Variants in FER observed in about 807,000 individuals in gnomAD.
FER encodes FER tyrosine kinase.
In FER, 63 loss-of-function variants were observed where a neutral mutation model predicts 111.0. That is an observed-to-expected ratio of 0.57 (90% CI 0.46 to 0.70). FER has a LOEUF of 0.70. Ranked by LOEUF, FER falls within the 30% of genes least tolerant of loss-of-function variation. The pLI, the probability that FER is intolerant of heterozygous loss-of-function variation, is 0.00. For synonymous variants in FER, 327 were observed against 313.9 expected (o/e 1.04, Z -0.44); for missense variants, 914 against 954.0 (o/e 0.96, Z 0.55).
chr5:108,947,944 G>A (rs913593650), intron 11 of FER, among the ~76,000 whole-genome samples: 4 of 151,710 alleles, frequency 2.6e-5, no homozygotes, highest in African/African-American at 4.8e-5. Context: ...CTGGTGTTGA[G>A]TTCCTGAGCT....
Position 109,047,129 on chromosome 5 carries a change from A to T in FER, c.1855A>T (p.Asn619Tyr). 6.2e-7 allele frequency: 1 copy of T among 1,602,292 alleles called. No individual in the cohort carries two copies. The highest frequency in any genetic ancestry group is 8.5e-7 in the Non-Finnish European group (1 of 1,172,066). ...AKILKQYDHPNIVKLIGVCTQ... is the reference protein window; with the variant it reads ...AKILKQYDHPYIVKLIGVCTQ... The stretch of plus-strand genomic sequence containing the variant: ...AATTCTCAAGCAATATGATCATCCC[A>T]ATATTGTCAAACTTATAGGAGTTTG... The change falls in exon 16 of 20, where the codon AAT (asparagine) becomes TAT (tyrosine). Residue 619 changes from asparagine (N) to tyrosine (Y), a missense_variant. By Grantham distance (143) the Asn-to-Tyr change is moderately radical. Transcript: ENST00000281092.
intron 13 of FER, among the ~76,000 whole-genome samples, chr5:109,031,979 T>A (rs1490466933): frequency 1.3e-5 from 2 of 152,198 alleles, no homozygotes; most frequent in East Asian, 3.9e-4. Flanking sequence ...AGTATATCCA[T>A]AACATATGCA....
intron 10 of FER, among the ~76,000 whole-genome samples, chr5:108,902,664 C>G (rs1750208745): frequency 1.3e-5 from 2 of 152,086 alleles, no homozygotes; most frequent in African/African-American, 2.4e-5. Context: ...GAAGATAAAT[C>G]CTTTCTTATT....
chr5:109,109,894 C>G (rs1003262203), intron 17 of FER, among the ~76,000 whole-genome samples: 1 of 152,088 alleles, frequency 6.6e-6, no homozygotes, highest in Non-Finnish European at 1.5e-5. Context: ...TACTCCCATT[C>G]AGGGTGTACT....
chr5:108,800,372 T>A (rs910569875), intron 3 of FER, among the ~76,000 whole-genome samples: 1 of 152,052 alleles, frequency 6.6e-6, no homozygotes, highest in Admixed American at 6.6e-5. Context: ...TTTTTTCTCT[T>A]TAGGATCTTG....
Position 109,175,832 on chromosome 5 carries a change from C to T in FER, c.2049-4915C>T, listed in dbSNP as rs776153888. On this transcript the variant is annotated intron_variant, in intron 17 of 19. Transcript: ENST00000281092. ...TAGAATGGCTGTCATCAAAAGACAA[C>T]GCCAGGTGCGGTGGCTCACACCTGC... 7.1e-4 allele frequency among the ~76,000 whole-genome samples: 108 copies of T among 152,200 alleles called. 2 individuals are homozygous for T. The highest frequency in any genetic ancestry group is 1.0e-3 in the Admixed American group (16 of 15,294).
At chr5:108,879,702 ATATATAT>A (rs1262558125) in intron 8 of FER, among the ~76,000 whole-genome samples, 1 of 91,036 alleles carries the variant, frequency 1.1e-5, no homozygotes, top group Non-Finnish European at 2.0e-5. Context: ...TTAAAAAAAA[ATATATAT>A]ATATATATAT....
At chr5:108,989,235 A>C (rs904476693) in intron 13 of FER, among the ~76,000 whole-genome samples, 8 of 152,064 alleles carry the variant, frequency 5.3e-5, no homozygotes, top group Non-Finnish European at 8.8e-5. Flanking sequence ...TAATAGAAAA[A>C]AATCAGAACT....
At chr5:108,886,148 A>G (rs1486845131) in intron 9 of FER, among the ~76,000 whole-genome samples, 1 of 151,764 alleles carries the variant, frequency 6.6e-6, no homozygotes, top group Non-Finnish European at 1.5e-5. Flanking sequence ...GTTGGAGGAG[A>G]TGATCTTTAA....
chr5:108,998,595 C>A (rs1174031366), intron 13 of FER, among the ~76,000 whole-genome samples: 1 of 152,158 alleles, frequency 6.6e-6, no homozygotes, highest in Admixed American at 6.5e-5. Flanking sequence ...GCCATCTTGG[C>A]GCATTAATGG....
intron 13 of FER, among the ~76,000 whole-genome samples, chr5:108,972,501 C>T (rs1188287770): frequency 6.6e-6 from 1 of 152,124 alleles, no homozygotes; most frequent in East Asian, 1.9e-4. Flanking sequence ...AGTCTTCTTC[C>T]TCAGCTTACA....
intron 10 of FER, among the ~76,000 whole-genome samples, chr5:108,940,912 T>A (rs1242604917): frequency 6.6e-6 from 1 of 152,082 alleles, no homozygotes; most frequent in Non-Finnish European, 1.5e-5. Flanking sequence ...CCAAACTGAT[T>A]CTCTGTAGGG....
rs1763944574 is a variant in FER at position 108,996,068 on chromosome 5, TG to T, written c.1656+36722del. Among the ~76,000 whole-genome samples, 8 of 152,374 alleles carry T rather than the reference TG, an allele frequency of 5.3e-5. 1 individual carries two copies. In the South Asian group the frequency reaches 1.7e-3, roughly 32 times the overall value. ...TGTTGGCCGCATAAATGTCTTTTTT[TG>T]AGAAATGTCTGTTCATATCCCTTGC... is the stretch of plus-strand genomic sequence containing the variant. On this transcript the variant is annotated intron_variant, in intron 13 of 19. Transcript: ENST00000281092.
intron 1 of FER, among the ~76,000 whole-genome samples, chr5:108,762,731 T>C (rs893482392): frequency 6.6e-6 from 1 of 152,194 alleles, no homozygotes; most frequent in African/African-American, 2.4e-5. Context: ...TTTACTATTT[T>C]CTCCACCATT....
intron 16 of FER, among the ~76,000 whole-genome samples, chr5:109,096,978 T>C (rs1747613274): frequency 6.8e-6 from 1 of 148,076 alleles, no homozygotes; most frequent in African/African-American, 2.4e-5. Flanking sequence ...ATAATAAATA[T>C]ATAAATATAA....
rs369655082 is a variant in FER at position 108,894,215 on chromosome 5, T to TA, written c.1047-3438dup. On this transcript the variant is annotated intron_variant, in intron 9 of 19. Transcript: ENST00000281092. ...TTATTCCTCTCATCCACTCATCCCT[T>TA]AAAAAACCCCACAAAACGATCATTA... 202 of 258,642 alleles carry TA rather than the reference T, an allele frequency of 7.8e-4. 1 individual carries two copies. The highest frequency in any genetic ancestry group is 2.1e-3 in the South Asian group (28 of 13,044). 16.0% of individuals were successfully genotyped at this position (258,642 alleles called of 1,614,324 possible).
intron 10 of FER, among the ~76,000 whole-genome samples, chr5:108,937,461 G>T (rs1025719901): frequency 6.6e-6 from 1 of 151,990 alleles, no homozygotes; most frequent in Admixed American, 6.6e-5. Context: ...AAATTTGTGA[G>T]TAGACTTGGT....
chr5:108,798,391 TAAG>T lies in FER; in HGVS notation c.207+8_207+10del. The T allele has an allele frequency of 6.2e-7, 1 of 1,601,986 alleles. No homozygotes were observed. The highest frequency in any genetic ancestry group is 1.1e-5 in the South Asian group (1 of 90,322). The stretch of plus-strand genomic sequence containing the variant: ...AATTATGTCAGCAACGTATCCAAGG[TAAG>T]AAGAATAATTTCACTCTTTGTTATT... On this transcript the variant is annotated splice_donor_5th_base_variant and intron_variant, in intron 3 of 19. Transcript: ENST00000281092.
intron 5 of FER, among the ~76,000 whole-genome samples, chr5:108,851,541 G>T (rs545607751): frequency 6.6e-6 from 1 of 152,054 alleles, no homozygotes; most frequent in African/African-American, 2.4e-5. Flanking sequence ...ATGCCATGTA[G>T]TACTTTGTTC....
Sources: allele counts gnomAD v4.1 joint callset (sites outside exome capture counted in the v4.1 genomes callset), GRCh38; gene constraint gnomAD v4.1.1; transcripts MANE v1.5; gene names NCBI Gene and HGNC (gene_info 2026-07-23, HGNC 2026-07-21).